XYLT1: variants seen among roughly 807,000 people sequenced by gnomAD.
XYLT1 encodes beta-D-xylosyltransferase 1.
In XYLT1, 36 loss-of-function variants were observed where a neutral mutation model predicts 91.3. That is an observed-to-expected ratio of 0.39 (90% CI 0.30 to 0.52). The LOEUF (loss-of-function observed/expected upper bound fraction) is 0.52, where lower values mean the gene tolerates loss of function less well. Among genes scored for constraint, XYLT1 ranks in the 20% least tolerant of loss-of-function variants. The pLI is 0.68. For synonymous variants in XYLT1, 588 were observed against 532.0 expected (o/e 1.11, Z -1.45); for missense variants, 1,242 against 1,284.5 (o/e 0.97, Z 0.51).
chr16:17,466,559 C>A (rs751123189), intron 1 of XYLT1, among the ~76,000 whole-genome samples: 1 of 152,214 alleles, frequency 6.6e-6, no homozygotes, highest in Non-Finnish European at 1.5e-5. Context: ...TAAGAACTTA[C>A]GCCATGGCTG....
At chr16:17,317,161 A>T (rs1194588762) in intron 2 of XYLT1, among the ~76,000 whole-genome samples, 1 of 152,008 alleles carries the variant, frequency 6.6e-6, no homozygotes, top group South Asian at 2.1e-4. Context: ...TTGCAGCAAT[A>T]AACTGTGATC....
chr16:17,173,193 G>A (rs2141559258), intron 5 of XYLT1, among the ~76,000 whole-genome samples: 1 of 152,302 alleles, frequency 6.6e-6, no homozygotes, highest in African/African-American at 2.4e-5. Flanking sequence ...TGGCTGCATT[G>A]TAAAAACAGG....
At chr16:17,185,385 G>A (rs2032161823) in intron 5 of XYLT1, among the ~76,000 whole-genome samples, 1 of 152,208 alleles carries the variant, frequency 6.6e-6, no homozygotes, top group African/African-American at 2.4e-5. Context: ...TATCTGGGTG[G>A]AGGTTTTATT....
intron 11 of XYLT1, among the ~76,000 whole-genome samples, 156 bp downstream of exon 11, chr16:17,117,490 T>C (rs906927308): frequency 2.0e-5 from 3 of 152,188 alleles, no homozygotes; most frequent in East Asian, 1.9e-4. Flanking sequence ...ATGGTTTCTC[T>C]AGGGAAACAC....
chr16:17,212,765 T>C lies in XYLT1; in HGVS notation c.914-12111A>G, dbSNP rs555196160. 6.6e-5 allele frequency among the ~76,000 whole-genome samples: 10 copies of C among 152,340 alleles called. No homozygotes were observed. The South Asian group carries it at 2.1e-3, about 32-fold the overall frequency. On this transcript the variant is annotated intron_variant, in intron 3 of 11. Coordinates refer to ENST00000261381, the MANE Select transcript of XYLT1 (RefSeq NM_022166.4). Reference sequence around the variant, plus strand: ...AGAGCCCTGGGATATTCTAATGATATACTGCTCAATAAATGGAAACTGGTG... The same window carrying C: ...AGAGCCCTGGGATATTCTAATGATACACTGCTCAATAAATGGAAACTGGTG...
At chr16:17,273,972 C>T (rs2033934454) in intron 2 of XYLT1, among the ~76,000 whole-genome samples, 1 of 151,856 alleles carries the variant, frequency 6.6e-6, no homozygotes, top group Non-Finnish European at 1.5e-5. Flanking sequence ...AGCGCAGTAG[C>T]ATGATCTCGG....
chr16:17,370,336 C>T (rs180812116), intron 1 of XYLT1, among the ~76,000 whole-genome samples: 6 of 152,208 alleles, frequency 3.9e-5, no homozygotes, highest in South Asian at 2.1e-4. Flanking sequence ...TACAACGATC[C>T]GCTTTCATTT....
intron 2 of XYLT1, chr16:17,338,430 C>G: frequency 2.2e-6 from 1 of 456,514 alleles, no homozygotes. Context: ...GAAAAGGCTG[C>G]AACAAAGGAG....
intron 3 of XYLT1, among the ~76,000 whole-genome samples, chr16:17,255,845 T>C (rs564545745): frequency 4.3e-4 from 66 of 152,084 alleles, no homozygotes; most frequent in Non-Finnish European, 7.4e-4. Flanking sequence ...CCACCTCTAC[T>C]AAAAATACAA....
intron 3 of XYLT1, among the ~76,000 whole-genome samples, chr16:17,226,669 G>C (rs924344585): frequency 2.0e-5 from 3 of 152,156 alleles, no homozygotes; most frequent in Admixed American, 1.3e-4. Context: ...GGTAGTGCCA[G>C]CTACTCAGGA....
At chr16:17,375,901 T>C (rs2035594892) in intron 1 of XYLT1, among the ~76,000 whole-genome samples, 1 of 152,210 alleles carries the variant, frequency 6.6e-6, no homozygotes. Flanking sequence ...GTCCCTACGA[T>C]GTATGTGCAG....
chr16:17,410,645 C>CCT lies in XYLT1; in HGVS notation c.364-52596_364-52595insAG, dbSNP rs1555454985. Among the ~76,000 whole-genome samples the CCT allele has an allele frequency of 5.4e-3, 506 of 92,990 alleles. 14 individuals carry two copies. Among genetic ancestry groups the CCT allele is most frequent in the Admixed American group, 0.016 (116 of 7,146 alleles). 61.0% of individuals were successfully genotyped at this position (92,990 alleles called of 152,430 possible). A position where few individuals can be genotyped will look rare whatever the true frequency, so the allele number is the denominator to read the frequency against. ...AGCCAAACCATATCACCTGTCATTA[C>CCT]TTTTTTTTTTTTTTTTTTTTGAGAT... On this transcript the variant is annotated intron_variant, in intron 1 of 11. Transcript: ENST00000261381.
intron 2 of XYLT1, among the ~76,000 whole-genome samples, chr16:17,322,761 C>T (rs917732297): frequency 6.6e-6 from 1 of 152,354 alleles, no homozygotes; most frequent in East Asian, 1.9e-4. Context: ...AGCTCCCCTT[C>T]ATAGCATTTC....
intron 9 of XYLT1, among the ~76,000 whole-genome samples, chr16:17,131,617 A>G (rs1324720446): frequency 2.0e-5 from 3 of 152,146 alleles, no homozygotes; most frequent in Admixed American, 1.3e-4. Flanking sequence ...TGGATGGTAG[A>G]TTATATGCAA....
intron 1 of XYLT1, among the ~76,000 whole-genome samples, chr16:17,439,816 A>G (rs2036510425): frequency 6.6e-6 from 1 of 152,320 alleles, no homozygotes; most frequent in African/African-American, 2.4e-5. Context: ...AGGTACCTGT[A>G]GTAGGCAGCT....
chr16:17,180,171 A>G (rs2032035207), intron 5 of XYLT1, among the ~76,000 whole-genome samples: 1 of 152,236 alleles, frequency 6.6e-6, no homozygotes. Context: ...CGCTCAGTTC[A>G]TGACAAAGCA....
chr16:17,313,614 C>T (rs911608258), intron 2 of XYLT1, among the ~76,000 whole-genome samples: 1 of 151,884 alleles, frequency 6.6e-6, no homozygotes, highest in African/African-American at 2.4e-5. Flanking sequence ...AGCATTGATG[C>T]TGCTATAATG....
intron 2 of XYLT1, among the ~76,000 whole-genome samples, chr16:17,299,686 C>G (rs761095246): frequency 9.2e-5 from 14 of 152,250 alleles, no homozygotes; most frequent in Admixed American, 2.6e-4. Flanking sequence ...TTGTCCCCTG[C>G]AGAATTGAAT....
intron 2 of XYLT1, among the ~76,000 whole-genome samples, chr16:17,298,789 C>T (rs1488138293): frequency 6.6e-6 from 1 of 152,070 alleles, no homozygotes; most frequent in Admixed American, 6.5e-5. Flanking sequence ...GTTCTCCAGG[C>T]CAGGAAAAAT....
Sources: allele counts gnomAD v4.1 joint callset (sites outside exome capture counted in the v4.1 genomes callset), GRCh38; gene constraint gnomAD v4.1.1; transcripts MANE v1.5; gene names NCBI Gene and HGNC (gene_info 2026-07-23, HGNC 2026-07-21).